The following ADGRL3 variants were observed in gnomAD, a reference collection of about 807,000 sequenced individuals.
ADGRL3 encodes calcium-independent alpha-latrotoxin receptor 3.
A neutral mutation model predicts 153.5 loss-of-function variants in ADGRL3; 62 were observed. The ratio of observed to expected loss-of-function variants is 0.40; its 90% confidence interval spans 0.33 to 0.50. The LOEUF is 0.50. ADGRL3 is among the 20% of genes least tolerant of loss of function. The pLI is 0.47. For missense variants in ADGRL3, 1,641 were observed against 1,859.4 expected (o/e 0.88, Z 2.16); for synonymous variants, 710 against 672.5 (o/e 1.06, Z -0.86).
At chr4:61,693,409 TCTAA>T (rs1184589192) in intron 6 of ADGRL3, among the ~76,000 whole-genome samples, 2 of 152,024 alleles carry the variant, frequency 1.3e-5, no homozygotes, top group African/African-American at 4.8e-5. Context: ...ATGCCAGAAC[TCTAA>T]CTGGTATGTC....
chr4:62,050,910 A>G (rs992866183), intron 25 of ADGRL3, among the ~76,000 whole-genome samples: 5 of 151,888 alleles, frequency 3.3e-5, no homozygotes, highest in Non-Finnish European at 4.4e-5. Context: ...ATAACAAACT[A>G]TTTTTATTTT....
intron 9 of ADGRL3, among the ~76,000 whole-genome samples, chr4:61,853,550 A>G (rs1433081781): frequency 6.6e-6 from 1 of 152,138 alleles, no homozygotes; most frequent in Non-Finnish European, 1.5e-5. Context: ...AAAATGTAAA[A>G]GCACCTTCTG....
intron 9 of ADGRL3, among the ~76,000 whole-genome samples, chr4:61,834,578 T>C (rs565842862): frequency 8.5e-5 from 13 of 152,102 alleles, no homozygotes; most frequent in Non-Finnish European, 1.8e-4. Context: ...TTGTTAATCT[T>C]AAGGTGTAGG....
At chr4:61,465,604 C>T (rs2097869461) in intron 2 of ADGRL3, among the ~76,000 whole-genome samples, 1 of 150,874 alleles carries the variant, frequency 6.6e-6, no homozygotes, top group Non-Finnish European at 1.5e-5. Context: ...AGAAAATATG[C>T]AATAATTACT....
chr4:61,695,445 G>T (rs1166398030), intron 6 of ADGRL3, among the ~76,000 whole-genome samples: 4 of 152,118 alleles, frequency 2.6e-5, no homozygotes, highest in Admixed American at 6.5e-5. Context: ...TGAGTAGCAG[G>T]TCTCCACAGT....
At chr4:61,960,928 T>A (rs2098985482) in intron 17 of ADGRL3, among the ~76,000 whole-genome samples, 1 of 152,098 alleles carries the variant, frequency 6.6e-6, no homozygotes, top group Admixed American at 6.6e-5. Flanking sequence ...CAGGAGGGTT[T>A]CGATCTCTTG....
chr4:61,372,049 C>T (rs887937357), intron 1 of ADGRL3, among the ~76,000 whole-genome samples: 25 of 152,262 alleles, frequency 1.6e-4, no homozygotes, highest in Admixed American at 1.3e-3. Context: ...GCATTCTTCA[C>T]GTAGTTCTCG....
intron 1 of ADGRL3, among the ~76,000 whole-genome samples, chr4:61,335,136 G>A (rs1323140021): frequency 1.3e-5 from 2 of 152,062 alleles, no homozygotes; most frequent in Non-Finnish European, 2.9e-5. Flanking sequence ...TTAATAAAAT[G>A]TTGCGTTAAT....
chr4:61,607,859 T>C (rs1164538700), intron 5 of ADGRL3, among the ~76,000 whole-genome samples: 1 of 152,192 alleles, frequency 6.6e-6, no homozygotes, highest in African/African-American at 2.4e-5. Flanking sequence ...CCTTGCTTCA[T>C]AATTAAACTG....
chr4:61,552,727 C>T (rs970570954), intron 4 of ADGRL3, among the ~76,000 whole-genome samples: 1 of 152,044 alleles, frequency 6.6e-6, no homozygotes, highest in Admixed American at 6.6e-5. Context: ...TCTTGGCCTC[C>T]CAAGATGCTG....
intron 5 of ADGRL3, among the ~76,000 whole-genome samples, chr4:61,648,845 G>T (rs2094141911): frequency 6.6e-6 from 1 of 151,992 alleles, no homozygotes; most frequent in Non-Finnish European, 1.5e-5. Context: ...TGAAGAAATT[G>T]AGGCCTAATG....
At chr4:61,437,053 TGA>T (rs1424001802) in intron 2 of ADGRL3, among the ~76,000 whole-genome samples, 6 of 152,160 alleles carry the variant, frequency 3.9e-5, no homozygotes, top group Non-Finnish European at 8.8e-5. Flanking sequence ...TAAATAATAC[TGA>T]GTTATATAGT....
intron 13 of ADGRL3, among the ~76,000 whole-genome samples, chr4:61,914,945 T>C (rs1560369076): frequency 6.6e-6 from 1 of 152,186 alleles, no homozygotes; most frequent in East Asian, 1.9e-4. Flanking sequence ...CTCAGCATTG[T>C]TTTGCAGAAT....
intron 5 of ADGRL3, among the ~76,000 whole-genome samples, chr4:61,644,810 A>G (rs1480594047): frequency 6.6e-6 from 1 of 152,102 alleles, no homozygotes; most frequent in South Asian, 2.1e-4. Context: ...TCCGCTTGGT[A>G]TAGAGCTGAG....
At chr4:61,826,492 T>C (rs2097802540) in intron 9 of ADGRL3, among the ~76,000 whole-genome samples, 1 of 152,116 alleles carries the variant, frequency 6.6e-6, no homozygotes, top group Admixed American at 6.5e-5. Flanking sequence ...ATGGATAAGC[T>C]AATTTCTAGA....
At chr4:61,347,796 G>A (rs1342567980) in intron 1 of ADGRL3, among the ~76,000 whole-genome samples, 1 of 152,066 alleles carries the variant, frequency 6.6e-6, no homozygotes, top group Admixed American at 6.5e-5. Context: ...TATATCTGGA[G>A]AATTTGCATT....
At chr4:62,061,094 A>G (rs902380872) in intron 25 of ADGRL3, among the ~76,000 whole-genome samples, 1 of 151,968 alleles carries the variant, frequency 6.6e-6, no homozygotes, top group African/African-American at 2.4e-5. Context: ...GACATTTGTT[A>G]GTTGACTGAT....
chr4:61,960,699 T>TTTTTG (rs113531067), intron 17 of ADGRL3, among the ~76,000 whole-genome samples: 13,847 of 151,914 alleles, frequency 0.091, 766 homozygotes, highest in East Asian at 0.18. Flanking sequence ...GGATTAGTGT[T>TTTTTG]TTTTGTTTTG....
chr4:61,553,565 T>G (rs556641543), intron 4 of ADGRL3, among the ~76,000 whole-genome samples: 1 of 152,336 alleles, frequency 6.6e-6, no homozygotes, highest in African/African-American at 2.4e-5. Flanking sequence ...ATTTTTATTT[T>G]ACCCACATGC....
Sources: gnomAD v4.1 joint callset for allele counts (sites outside exome capture counted in the v4.1 genomes callset) on GRCh38, gnomAD v4.1.1 for gene constraint, MANE v1.5 for transcripts, NCBI Gene and HGNC (gene_info 2026-07-23, HGNC 2026-07-21) for gene names.